CAMTA1: variants seen among roughly 807,000 people sequenced by gnomAD.
CAMTA1 encodes calmodulin binding transcription activator 1, also known as calmodulin-binding transcription activator 1.
CAMTA1 carries 27 observed loss-of-function variants against 170.9 expected under a neutral mutation model. The ratio of observed to expected loss-of-function variants is 0.16; its 90% CI spans 0.12 to 0.22. The LOEUF (loss-of-function observed/expected upper bound fraction) is 0.22, where lower values mean the gene tolerates loss of function less well. CAMTA1 is among the 10% of genes least tolerant of loss of function. The pLI is 1.00. For missense variants in CAMTA1, 1,619 were observed against 2,217.2 expected, an observed-to-expected ratio of 0.73 and a Z score of 5.42; for synonymous variants, 833 against 891.5, an observed-to-expected ratio of 0.93 and a Z score of 1.17.
intron 6 of CAMTA1, among the ~76,000 whole-genome samples, chr1:7,494,218 C>T (rs1013443125): frequency 1.7e-4 from 26 of 150,824 alleles, no homozygotes; most frequent in African/African-American, 6.3e-4. Context: ...GCTTGCTATT[C>T]AGGCCCTAGA....
intron 4 of CAMTA1, among the ~76,000 whole-genome samples, chr1:7,246,919 C>T (rs1026210057): frequency 2.1e-4 from 32 of 152,206 alleles, no homozygotes; most frequent in African/African-American, 7.5e-4. Flanking sequence ...CCACCTGCCT[C>T]GGCCTCCCAA....
At chr1:7,239,703 G>T (rs1574121179) in intron 4 of CAMTA1, among the ~76,000 whole-genome samples, 1 of 124,726 alleles carries the variant, frequency 8.0e-6, no homozygotes, top group Non-Finnish European at 1.6e-5. Flanking sequence ...TAGTCCATTT[G>T]TGTTGCTATA....
At position 7,406,817 on chromosome 1, in the gene CAMTA1, C is replaced by T. The variant is rs908865100; in HGVS notation, c.439-61013C>T. Among the ~76,000 whole-genome samples, 3 of 152,278 alleles carry T rather than the reference C, an allele frequency of 2.0e-5. 1 individual carries two copies. The highest frequency in any genetic ancestry group is 4.1e-4 in the South Asian group (2 of 4,828). ...ACTGCTGCCCCCACAGCCCCCCTCC[C>T]GACAATGGGTAGAGTTACTCAGGCT... On this transcript the variant is annotated intron_variant, in intron 5 of 22. Transcript: ENST00000303635.
At chr1:7,659,407 G>A (rs534079806) in intron 7 of CAMTA1, among the ~76,000 whole-genome samples, 102 of 152,138 alleles carry the variant, frequency 6.7e-4, no homozygotes, top group African/African-American at 2.0e-3. Context: ...GGTGGCAGGC[G>A]CCTGTAATCC....
At chr1:6,955,823 G>A (rs1187047825) in intron 3 of CAMTA1, among the ~76,000 whole-genome samples, 2 of 152,124 alleles carry the variant, frequency 1.3e-5, no homozygotes, top group African/African-American at 4.8e-5. Context: ...AGGACTGTGT[G>A]GCCTGACCTC....
At position 7,173,282 on chromosome 1, in the gene CAMTA1, GCTGAAATGAA is replaced by G; in HGVS notation, c.303-76207_303-76198del. Among the ~76,000 whole-genome samples, 1 of 152,344 alleles carries G rather than the reference GCTGAAATGAA, an allele frequency of 6.6e-6. No homozygotes were observed. The highest frequency in any genetic ancestry group is 2.1e-4 in the South Asian group (1 of 4,824). On this transcript the variant is annotated intron_variant, in intron 4 of 22. Coordinates refer to ENST00000303635, the MANE Select transcript of CAMTA1 (RefSeq NM_015215.4). The surrounding 1 kb of genome is among the most constrained non-coding windows in gnomAD (Gnocchi z 5.4). Reference sequence around the variant, plus strand: ...TAATCCCCCTGAGGCGGAGTTGTGAGCTGAAATGAACAGAAGGCAGAGCGGGGTGCAGGGC... The same window carrying G: ...TAATCCCCCTGAGGCGGAGTTGTGAGCAGAAGGCAGAGCGGGGTGCAGGGC...
At chr1:7,526,004 CA>C (rs917771319) in intron 6 of CAMTA1, among the ~76,000 whole-genome samples, 24 of 149,452 alleles carry the variant, frequency 1.6e-4, no homozygotes, top group South Asian at 4.2e-4. Context: ...TAAGGTGGTA[CA>C]AAAAAAAATT....
Position 7,547,828 on chromosome 1 carries a change from G to GA in CAMTA1, c.510+79927_510+79928insA, listed in dbSNP as rs2094719246. Among the ~76,000 whole-genome samples, 2 of 148,298 alleles carry GA rather than the reference G, an allele frequency of 1.3e-5. No individual in the cohort carries two copies. Among genetic ancestry groups the GA allele is most frequent in the Non-Finnish European group, 3.0e-5 (2 of 66,476 alleles). On this transcript the variant is annotated intron_variant, in intron 6 of 22. Coordinates refer to ENST00000303635, the MANE Select transcript of CAMTA1 (RefSeq NM_015215.4). The surrounding 1 kb of genome is among the most constrained non-coding windows in gnomAD (Gnocchi z 5.7). ...TCTCACATCTCTGCCACCCCATGTG[G>GA]GCCCCCTCCAAACCCAGACTCTGAC...
chr1:7,201,546 A>G (rs1448970255), intron 4 of CAMTA1, among the ~76,000 whole-genome samples: 1 of 152,126 alleles, frequency 6.6e-6, no homozygotes, highest in Non-Finnish European at 1.5e-5. Flanking sequence ...AACACTTGTT[A>G]TTATCTGACT....
At chr1:7,111,970 G>A (rs552092681) in intron 4 of CAMTA1, among the ~76,000 whole-genome samples, 1 of 151,998 alleles carries the variant, frequency 6.6e-6, no homozygotes, top group South Asian at 2.1e-4. Flanking sequence ...TGTGGAAAGG[G>A]AGTGGCTCTA....
intron 11 of CAMTA1, among the ~76,000 whole-genome samples, chr1:7,704,665 C>T (rs1179559586): frequency 6.7e-6 from 1 of 148,158 alleles, no homozygotes. Context: ...GGGTCTGGTC[C>T]GGTGAGCTCA....
intron 3 of CAMTA1, among the ~76,000 whole-genome samples, chr1:6,877,711 A>G (rs10492951): frequency 0.099 from 15,053 of 152,170 alleles, 1,033 homozygotes; most frequent in Middle Eastern, 0.17. Flanking sequence ...ACAGAACTTC[A>G]ATTATTCAGG....
At chr1:7,740,292 G>A (rs1175993172) in intron 16 of CAMTA1, among the ~76,000 whole-genome samples, 1 of 152,186 alleles carries the variant, frequency 6.6e-6, no homozygotes, top group African/African-American at 2.4e-5. Flanking sequence ...GGCCCTAACA[G>A]CACCAAAGCA....
At chr1:7,606,333 AG>A (rs2095486344) in intron 6 of CAMTA1, among the ~76,000 whole-genome samples, 1 of 152,184 alleles carries the variant, frequency 6.6e-6, no homozygotes, top group Non-Finnish European at 1.5e-5. Flanking sequence ...CAGGCTGGGA[AG>A]TGGTTCATTT....
At chr1:7,155,184 G>A (rs1021137107) in intron 4 of CAMTA1, among the ~76,000 whole-genome samples, 6 of 152,186 alleles carry the variant, frequency 3.9e-5, no homozygotes, top group Non-Finnish European at 8.8e-5. Flanking sequence ...GCTGTGGGCC[G>A]GAGGAGGCAG....
chr1:6,964,991 TC>T (rs754366136), intron 3 of CAMTA1, among the ~76,000 whole-genome samples: 21 of 151,958 alleles, frequency 1.4e-4, no homozygotes, highest in South Asian at 1.3e-3. Flanking sequence ...CCTCCAAGGG[TC>T]GCAGAGCAGC....
At chr1:6,855,539 A>G (rs557044097) in intron 3 of CAMTA1, among the ~76,000 whole-genome samples, 2 of 151,960 alleles carry the variant, frequency 1.3e-5, no homozygotes, top group Non-Finnish European at 2.9e-5. Flanking sequence ...TCATGAGAAC[A>G]GTACCAAAGG....
intron 3 of CAMTA1, among the ~76,000 whole-genome samples, chr1:6,882,102 G>T (rs1671799907): frequency 1.3e-5 from 2 of 152,220 alleles, no homozygotes; most frequent in Admixed American, 6.5e-5. Flanking sequence ...AGCAAGCTAA[G>T]AATGCTTTGT....
At chr1:7,280,429 C>T (rs1043058740) in intron 5 of CAMTA1, among the ~76,000 whole-genome samples, 1 of 152,206 alleles carries the variant, frequency 6.6e-6, no homozygotes, top group Non-Finnish European at 1.5e-5. Flanking sequence ...AAGTCTATGA[C>T]CTTAAGAAGA....
Sources: allele counts gnomAD v4.1 joint callset (sites outside exome capture counted in the v4.1 genomes callset), GRCh38; gene constraint gnomAD v4.1.1; non-coding constraint Gnocchi (gnomAD v3.1); transcripts MANE v1.5; gene names NCBI Gene and HGNC (gene_info 2026-07-23, HGNC 2026-07-21).